Variants in CORO2B observed in about 807,000 individuals in gnomAD.
CORO2B encodes the protein coronin 2B, also known as coronin-2B.
In CORO2B, 26 loss-of-function variants were observed where a neutral mutation model predicts 58.8. The observed-to-expected ratio is 0.44, with a 90% CI of 0.32 to 0.61. The LOEUF is 0.61. CORO2B is among the 20% of genes least tolerant of loss of function. The probability of loss-of-function intolerance (pLI) is 0.04; values close to 1 mark genes in which losing one functional copy is unlikely to be tolerated. For synonymous variants in CORO2B, 242 were observed against 253.8 expected, an observed-to-expected ratio of 0.95 and a Z score of 0.44; for missense variants, 460 against 645.1, an observed-to-expected ratio of 0.71 and a Z score of 3.11.
intron 1 of CORO2B, among the ~76,000 whole-genome samples, chr15:68,580,480 C>T (rs1899401724): frequency 6.6e-6 from 1 of 152,096 alleles, no homozygotes; most frequent in African/African-American, 2.4e-5. Flanking sequence ...CCTTGCCCTC[C>T]TGAGGTCTGC....
chr15:68,576,173 A>AAGAAAGAAAGAAAG (rs1555409380), upstream of CORO2B, among the ~76,000 whole-genome samples: 16 of 103,916 alleles, frequency 1.5e-4, no homozygotes, highest in African/African-American at 6.0e-4. Flanking sequence ...AAAAAAAAAA[A>AAGAAAGAAAGAAAG]AAAGAAAGAA....
chr15:68,563,242 C>T, the CORO2B span, among the ~76,000 whole-genome samples: 9 of 151,860 alleles, frequency 5.9e-5, no homozygotes, highest in African/African-American at 2.2e-4. Context: ...AATCCCAGCA[C>T]TTTGGGAGGC....
chr15:68,585,344 C>T (rs1454767968), intron 1 of CORO2B, among the ~76,000 whole-genome samples: 1 of 152,192 alleles, frequency 6.6e-6, no homozygotes, highest in Non-Finnish European at 1.5e-5. Context: ...CATAATGGTC[C>T]ACAACCCATG....
chr15:68,611,782 T>C (rs1213774404), intron 1 of CORO2B, among the ~76,000 whole-genome samples: 1 of 151,850 alleles, frequency 6.6e-6, no homozygotes, highest in Non-Finnish European at 1.5e-5. Context: ...TTTCTTTTTT[T>C]TTTTTTTGAG....
chr15:68,544,559 C>T, the CORO2B span, among the ~76,000 whole-genome samples: 8 of 152,196 alleles, frequency 5.3e-5, no homozygotes, highest in African/African-American at 1.9e-4. Context: ...GATCCTGATG[C>T]AGTCAACTTA....
chr15:68,726,520 C>T lies in CORO2B; in HGVS notation c.*546C>T. On this transcript the variant is annotated 3_prime_UTR_variant, in exon 12 of 12. Coordinates refer to ENST00000261861, the MANE Select transcript of CORO2B (RefSeq NM_006091.5). ...CCGACGAGGACAGCGAGCGGCCCGG[C>T]TCCTTTCTGTCTCTTCCCTTCCCAC... 6.2e-6 allele frequency: 1 copy of T among 162,410 alleles called. No individual in the cohort carries two copies. Among genetic ancestry groups the T allele is most frequent in the Non-Finnish European group, 1.3e-5 (1 of 74,850 alleles). The allele number at this position is 162,410 out of a possible 1,614,324, so 10.1% of individuals were successfully genotyped here.
At chr15:68,616,746 G>A (rs1003178370) in intron 1 of CORO2B, 1 of 394,006 alleles carries the variant, frequency 2.5e-6, no homozygotes, top group Non-Finnish European at 3.5e-6. Context: ...TTGGGTGCAC[G>A]TGGTCTCATG....
At chr15:68,532,751 A>G in the CORO2B span, among the ~76,000 whole-genome samples, 3 of 152,176 alleles carry the variant, frequency 2.0e-5, no homozygotes, top group African/African-American at 7.2e-5. Flanking sequence ...GCCTTTGTGT[A>G]AAGCATGTTG....
At position 68,648,282 on chromosome 15, in the gene CORO2B, A is replaced by G. The variant is rs577085272; in HGVS notation, c.216+2922A>G. Among the ~76,000 whole-genome samples the G allele has an allele frequency of 2.0e-5, 3 of 147,922 alleles. No homozygotes were observed. In the East Asian group the frequency reaches 6.3e-4, roughly 31 times the overall value. On this transcript the variant is annotated intron_variant, in intron 2 of 11. Transcript: ENST00000261861. ...CGGGAGGCAGAGGTTGCAGTGGGCG[A>G]GATTGCGCTACTGCACTCCAGCCTG...
intron 3 of CORO2B, among the ~76,000 whole-genome samples, chr15:68,698,338 T>G (rs1302703837): frequency 1.3e-5 from 2 of 152,186 alleles, no homozygotes; most frequent in Admixed American, 6.5e-5. Flanking sequence ...CCAGGGCTCC[T>G]GGAATCACTG....
chr15:68,531,501 AAGGAAGGAAGG>A, the CORO2B span, among the ~76,000 whole-genome samples: 2 of 4,682 alleles, frequency 4.3e-4, no homozygotes, highest in African/African-American at 1.2e-3. Flanking sequence ...TATCTCAAAA[AAGGAAGGAAGG>A]AAGGAAGGAA....
chr15:68,702,700 C>A (rs1892680763), intron 3 of CORO2B, among the ~76,000 whole-genome samples: 1 of 151,978 alleles, frequency 6.6e-6, no homozygotes, highest in Non-Finnish European at 1.5e-5. Context: ...TGCTCTTGGA[C>A]CCAGGCACCA....
chr15:68,524,925 A>T, the CORO2B span, among the ~76,000 whole-genome samples: 16 of 152,370 alleles, frequency 1.1e-4, no homozygotes, highest in Admixed American at 9.8e-4. Flanking sequence ...GTTGCATCAG[A>T]TTTTATTTAA....
chr15:68,719,175 T>A lies in CORO2B; in HGVS notation c.1112T>A (p.Met371Lys). The A allele has an allele frequency of 1.2e-6, 2 of 1,614,112 alleles. No homozygotes were observed. Among genetic ancestry groups the A allele is most frequent in the South Asian group, 2.2e-5 (2 of 91,088 alleles). Residue 371 changes from methionine to lysine, a missense_variant, in exon 10 of 12, where the codon ATG becomes AAG. Coordinates refer to ENST00000261861, the MANE Select transcript of CORO2B (RefSeq NM_006091.5). ...SDSYQEDIYPMTPGTEPALTP... is the reference protein window; with the variant it reads ...SDSYQEDIYPKTPGTEPALTP... ...TCCTACCAGGAAGACATTTACCCAA[T>A]GACACCAGGCACGGAGCCAGCACTG... is the stretch of plus-strand genomic sequence containing the variant.
At chr15:68,525,481 C>A in the CORO2B span, among the ~76,000 whole-genome samples, 1 of 152,198 alleles carries the variant, frequency 6.6e-6, no homozygotes, top group Admixed American at 6.5e-5. Flanking sequence ...AGTTACCCAG[C>A]TGAAGCTAAC....
chr15:68,658,866 T>C (rs944815345), intron 2 of CORO2B, among the ~76,000 whole-genome samples: 5 of 152,236 alleles, frequency 3.3e-5, no homozygotes, highest in Non-Finnish European at 5.9e-5. Context: ...TGAGCCCCTG[T>C]GCAGTGTTTG....
chr15:68,621,558 C>A (rs953460068), intron 1 of CORO2B, among the ~76,000 whole-genome samples: 3 of 152,190 alleles, frequency 2.0e-5, no homozygotes, highest in Non-Finnish European at 4.4e-5. Flanking sequence ...TGGGAATGAA[C>A]TGTGGCTCTG....
chr15:68,565,085 GTTC>G, the CORO2B span, among the ~76,000 whole-genome samples: 2 of 152,098 alleles, frequency 1.3e-5, no homozygotes, highest in African/African-American at 4.8e-5. Context: ...ATTAAAAAGT[GTTC>G]TTTAATTAAT....
the CORO2B span, among the ~76,000 whole-genome samples, chr15:68,555,300 G>A: frequency 2.2e-4 from 33 of 152,282 alleles, no homozygotes; most frequent in African/African-American, 6.7e-4. Flanking sequence ...CTTCCTCCAC[G>A]GTTCCCCTCC....
Sources: gnomAD v4.1 joint callset for allele counts (sites outside exome capture counted in the v4.1 genomes callset) on GRCh38, gnomAD v4.1.1 for gene constraint, MANE v1.5 for transcripts, NCBI Gene and HGNC (gene_info 2026-07-23, HGNC 2026-07-21) for gene names.